Variants in ATP5MF observed in about 807,000 individuals in gnomAD.
ATP5MF encodes ATP synthase F(0) complex subunit f, mitochondrial.
A neutral mutation model predicts 13.8 loss-of-function variants in ATP5MF; 10 were observed. The observed-to-expected ratio is 0.72, with a 90% CI of 0.45 to 1.23. ATP5MF has a LOEUF of 1.23. Among genes scored for constraint, ATP5MF ranks in the 50% most tolerant of loss-of-function variants. The pLI, the probability that ATP5MF is intolerant of heterozygous loss-of-function variation, is 0.00. For missense variants in ATP5MF, 122 were observed against 118.2 expected (o/e 1.03, Z -0.15); for synonymous variants, 40 against 45.8 (o/e 0.87, Z 0.51).
chr7:99,459,180 G>C lies in ATP5MF; in HGVS notation c.223C>G (p.Leu75Val), dbSNP rs1312305222. Reference sequence around the variant, plus strand: ...TTGTAGGAAAAGGAGTAGCTAAAGAGCACGTAGCATGCCAGCACCATGGTA... The same window carrying C: ...TTGTAGGAAAAGGAGTAGCTAAAGACCACGTAGCATGCCAGCACCATGGTA... ...GITMVLACYV[L>V]FSYSFSYKHL... Residue 75 changes from leucine to valine, a missense_variant, in exon 3 of 4, where the codon CTC (leucine) becomes GTC (valine). Leu to Val is a conservative substitution (Grantham distance 32, BLOSUM62 1). Coordinates refer to ENST00000292475, the MANE Select transcript of ATP5MF (RefSeq NM_004889.5). 1 of 1,614,090 alleles carries C rather than the reference G, an allele frequency of 6.2e-7. No homozygotes were observed. The highest frequency in any genetic ancestry group is 8.5e-7 in the Non-Finnish European group (1 of 1,180,010).
At position 99,460,156 on chromosome 7, in the gene ATP5MF, C is replaced by T. The variant is rs747701024; in HGVS notation, c.69G>A (p.Leu23=). ...TCAAGATCCAGCTTGGCAGCTCCCCCAGTTTGACCTCCAGAAGTTTCTTGT... is the reference window on the plus strand; with the variant it reads ...TCAAGATCCAGCTTGGCAGCTCCCCTAGTTTGACCTCCAGAAGTTTCTTGT... ...VKDKKLLEVK[L]GELPSWILMR... is the part of the protein sequence containing the mutation. The change falls in exon 2 of 4, where the codon CTG becomes CTA. Residue 23 remains leucine, a synonymous_variant. Transcript: ENST00000292475. 19 of 1,614,216 alleles carry T rather than the reference C, an allele frequency of 1.2e-5. No individual in the cohort carries two copies. The highest frequency in any genetic ancestry group is 1.6e-5 in the Non-Finnish European group (19 of 1,180,040).
intron 3 of ATP5MF, among the ~76,000 whole-genome samples, chr7:99,458,660 G>A (rs898731265): frequency 9.9e-5 from 15 of 152,090 alleles, no homozygotes; most frequent in Admixed American, 9.8e-4. Context: ...CCACAGAATG[G>A]GAGTGAGGTG....
intron 3 of ATP5MF, 107 bp downstream of exon 3, chr7:99,459,036 TTAAC>T: frequency 5.3e-6 from 4 of 757,914 alleles, no homozygotes; most frequent in East Asian, 2.6e-5. Flanking sequence ...ATAAGGAACT[TTAAC>T]TAAAGGTCCC....
chr7:99,464,832 C>G (rs1183316627), intron 1 of ATP5MF, among the ~76,000 whole-genome samples: 1 of 151,350 alleles, frequency 6.6e-6, no homozygotes, highest in Admixed American at 6.6e-5. Flanking sequence ...GGCGTAGGTA[C>G]TGGTGTGTGC....
chr7:99,458,346 C>T lies in ATP5MF; in HGVS notation c.266G>A (p.Arg89Gln), dbSNP rs144185727. Reference sequence around the variant, plus strand: ...TCCTCTTCAGTGGTATTTGCGGAGCCGCTCGTGCTCTGAAGTCAGGAAGGC... The same window carrying T: ...TCCTCTTCAGTGGTATTTGCGGAGCTGCTCGTGCTCTGAAGTCAGGAAGGC... ...SFSYKHLKHE[R>Q]LRKYH The change falls in exon 4 of 4, where the codon CGG becomes CAG. Residue 89 changes from arginine to glutamine, a missense_variant. Arg to Gln is a conservative substitution (Grantham distance 43). Transcript: ENST00000292475. 4,242 of 1,608,496 alleles carry T rather than the reference C, an allele frequency of 2.6e-3. 10 individuals carry two copies. Among genetic ancestry groups the T allele is most frequent in the Non-Finnish European group, 3.2e-3 (3,822 of 1,178,172 alleles).
At chr7:99,459,302 C>G in intron 2 of ATP5MF, 39 bp from the exon 3 acceptor site, 1 of 1,466,718 alleles carries the variant, frequency 6.8e-7, no homozygotes, top group Non-Finnish European at 9.6e-7. Flanking sequence ...TGCTGGGCTT[C>G]ACATTTGAGT....
chr7:99,459,345 T>C lies in ATP5MF; in HGVS notation c.140-82A>G, dbSNP rs115398130. ...AGCACACAGTTGAGTCTGGCTGACA[T>C]TCAGGGACCTAGTCCTGCTCTGGCT... On this transcript the variant is annotated intron_variant, in intron 2 of 3. Coordinates refer to ENST00000292475, the MANE Select transcript of ATP5MF (RefSeq NM_004889.5). The C allele has an allele frequency of 7.5e-4, 758 of 1,008,004 alleles. 4 individuals carry two copies. The African/African-American group carries it at 0.011, about 14-fold the overall frequency. 62.4% of individuals were successfully genotyped at this position (1,008,004 alleles called of 1,614,324 possible).
intron 1 of ATP5MF, among the ~76,000 whole-genome samples, chr7:99,462,741 AG>A: frequency 6.6e-6 from 1 of 152,324 alleles, no homozygotes; most frequent in African/African-American, 2.4e-5. Context: ...TGCCACTGCA[AG>A]GGACTATCCA....
intron 2 of ATP5MF, chr7:99,459,532 C>G: frequency 2.4e-6 from 1 of 411,132 alleles, no homozygotes; most frequent in South Asian, 2.5e-5. Context: ...CTTATAGCCT[C>G]CTGAGTAGCT....
intron 1 of ATP5MF, among the ~76,000 whole-genome samples, chr7:99,463,004 T>C (rs1798686877): frequency 6.6e-6 from 1 of 152,256 alleles, no homozygotes; most frequent in Non-Finnish European, 1.5e-5. Context: ...GTGTGTGCCC[T>C]TGGGCAAGGT....
rs149159438 is a variant in ATP5MF, at chr7:99,460,096, C to A, written c.129G>T (p.Ala43=). 6.8e-6 allele frequency: 11 copies of A among 1,612,964 alleles called. No individual in the cohort carries two copies. The highest frequency in any genetic ancestry group is 9.3e-6 in the Non-Finnish European group (11 of 1,179,696). ...CCACAAGGCTCTGACCTCTTTGAAA[C>A]GCTCCGAAAATGCCACTAGGACTGA... ...RDFSPSGIFG[A]FQRGYYRYYN... Residue 43 remains alanine, a synonymous_variant, in exon 2 of 4, where the codon GCG becomes GCT. Transcript: ENST00000292475.
intron 1 of ATP5MF, among the ~76,000 whole-genome samples, chr7:99,461,387 T>C (rs1167176540): frequency 4.6e-5 from 7 of 151,972 alleles, no homozygotes; most frequent in Non-Finnish European, 1.0e-4. Context: ...TGATAAGTTT[T>C]AAAAAGCTTT....
At chr7:99,466,087 A>C in intron 1 of ATP5MF, 24 bp downstream of exon 1, 1 of 1,614,044 alleles carries the variant, frequency 6.2e-7, no homozygotes, top group Non-Finnish European at 8.5e-7. Flanking sequence ...TCCTGCTTCC[A>C]CCACGGAGTC....
chr7:99,460,640 C>T (rs1798558685), intron 1 of ATP5MF: 55 of 434,942 alleles, frequency 1.3e-4, no homozygotes, highest in South Asian at 8.2e-4. Context: ...ACACACACAA[C>T]GTGGGGTCAG....
Position 99,459,211 on chromosome 7 carries a change from C to T in ATP5MF, c.192G>A (p.Ser64=), listed in dbSNP as rs927467584. Reference sequence around the variant, plus strand: ...AGCATGCCAGCACCATGGTAATCCCCGAGATGCTCCCCTTCTTCACATTGA... The same window carrying T: ...AGCATGCCAGCACCATGGTAATCCCTGAGATGCTCCCCTTCTTCACATTGA... ...KYINVKKGSI[S]GITMVLACYV... The change falls in exon 3 of 4, where the codon TCG becomes TCA. Residue 64 remains serine, a synonymous_variant. Coordinates refer to ENST00000292475, the MANE Select transcript of ATP5MF (RefSeq NM_004889.5). The T allele has an allele frequency of 6.2e-6, 10 of 1,614,056 alleles. No homozygotes were observed. The highest frequency in any genetic ancestry group is 2.2e-5 in the South Asian group (2 of 91,084).
chr7:99,459,673 C>G (rs1056036267), intron 2 of ATP5MF: 3 of 240,268 alleles, frequency 1.2e-5, no homozygotes, highest in Non-Finnish European at 2.4e-5. Context: ...CTTGGCCTCC[C>G]GAAGTGCCGG....
chr7:99,466,129 C>T lies in ATP5MF; in HGVS notation c.13G>A (p.Gly5Ser), dbSNP rs772751298. 1.2e-6 allele frequency: 2 copies of T among 1,614,176 alleles called. No individual in the cohort carries two copies. The highest frequency in any genetic ancestry group is 1.1e-5 in the South Asian group (1 of 91,080). The part of the protein sequence containing the change: MASV[G>S]ECPAPVPVKD... ...GCCTTACCTGGGGCCGGACACTCAC[C>T]AACTGACGCCATTTTGGAGTCCTGG... Residue 5 changes from glycine to serine, a missense_variant, in exon 1 of 4, where the codon GGT becomes AGT. Coordinates refer to ENST00000292475, the MANE Select transcript of ATP5MF (RefSeq NM_004889.5).
rs1220480838 is a variant in ATP5MF at position 99,458,269 on chromosome 7, C to T, written c.*58G>A. 2 of 1,547,414 alleles carry T rather than the reference C, an allele frequency of 1.3e-6. No homozygotes were observed. The highest frequency in any genetic ancestry group is 2.3e-5 in the East Asian group (1 of 44,086). ...ATTCAGCAACGATTGAGATTGTGTT[C>T]CTCACGGAGGGGCTCGGGCCAAGGT... On this transcript the variant is annotated 3_prime_UTR_variant, in exon 4 of 4. Coordinates refer to ENST00000292475, the MANE Select transcript of ATP5MF (RefSeq NM_004889.5).
intron 1 of ATP5MF, 42 bp downstream of exon 1, chr7:99,466,069 A>C (rs1798860818): frequency 6.2e-7 from 1 of 1,613,896 alleles, no homozygotes; most frequent in Non-Finnish European, 8.5e-7. Context: ...TGGACCCTGG[A>C]CCCTGGCTCC....
Sources: gnomAD v4.1 joint callset for allele counts (sites outside exome capture counted in the v4.1 genomes callset) on GRCh38, gnomAD v4.1.1 for gene constraint, MANE v1.5 for transcripts, NCBI Gene and HGNC (gene_info 2026-07-23, HGNC 2026-07-21) for gene names.